RFTN2: variants seen among roughly 807,000 people sequenced by gnomAD.
RFTN2 encodes the protein raftlin family member 2.
RFTN2 carries 34 observed loss-of-function variants against 52.7 expected under a neutral mutation model. The observed-to-expected ratio is 0.64, with a 90% CI of 0.49 to 0.86. RFTN2 has a LOEUF of 0.86. Ranked by LOEUF, RFTN2 falls within the 40% of genes least tolerant of loss-of-function variation. RFTN2 has a pLI of 0.00. For synonymous variants in RFTN2, 203 were observed against 217.7 expected (o/e 0.93, Z 0.59); for missense variants, 536 against 600.1 (o/e 0.89, Z 1.12).
At chr2:197,574,363 C>G (rs777903244) in intron 8 of RFTN2, among the ~76,000 whole-genome samples, 5 of 152,194 alleles carry the variant, frequency 3.3e-5, no homozygotes, top group African/African-American at 4.8e-5. Flanking sequence ...GATTGCCCCA[C>G]TTGATTTTGG....
rs1167406410 is a variant in RFTN2, at chr2:197,569,007, T to A, written c.*3001A>T. 6.6e-6 allele frequency: 1 copy of A among 152,248 alleles called. No individual in the cohort carries two copies. The highest frequency in any genetic ancestry group is 1.5e-5 in the Non-Finnish European group (1 of 68,046). 9.4% of individuals were successfully genotyped at this position (152,248 alleles called of 1,614,324 possible). A position where few individuals can be genotyped will look rare whatever the true frequency, so the allele number is the denominator to read the frequency against. On this transcript the variant is annotated 3_prime_UTR_variant, in exon 9 of 9. Coordinates refer to ENST00000295049, the MANE Select transcript of RFTN2 (RefSeq NM_144629.3). The stretch of plus-strand genomic sequence containing the variant: ...AGAATCTCTCAAAGAGGGTGACCTT[T>A]CCTTTTCTCTTTTACTGAAATGAAT...
intron 7 of RFTN2, among the ~76,000 whole-genome samples, chr2:197,609,374 T>C (rs952623889): frequency 6.6e-6 from 1 of 152,266 alleles, no homozygotes; most frequent in African/African-American, 2.4e-5. Flanking sequence ...TGCATTTCTA[T>C]AATGACCAGT....
chr2:197,650,050 T>C (rs2088803656), intron 1 of RFTN2, among the ~76,000 whole-genome samples: 1 of 152,038 alleles, frequency 6.6e-6, no homozygotes, highest in Non-Finnish European at 1.5e-5. Flanking sequence ...CACTTACTAA[T>C]AGCTAAAATG....
At chr2:197,579,986 C>T (rs2087478622) in intron 8 of RFTN2, among the ~76,000 whole-genome samples, 1 of 152,102 alleles carries the variant, frequency 6.6e-6, no homozygotes, top group South Asian at 2.1e-4. Context: ...GCTCCTTTTT[C>T]TTTATCCGAC....
chr2:197,658,514 T>G (rs1449533033), intron 1 of RFTN2, among the ~76,000 whole-genome samples: 1 of 151,898 alleles, frequency 6.6e-6, no homozygotes, highest in African/African-American at 2.4e-5. Flanking sequence ...CTTGAACTCC[T>G]GGACTCAGGC....
rs138797874 is a variant in RFTN2 at position 197,629,675 on chromosome 2, T to TACACACAA, written c.928+1335_928+1336insTTGTGTGT. ...TATGAAGAAATATTTTTAATTTTTA[T>TACACACAA]ACACACACACACACACACACACACA... On this transcript the variant is annotated intron_variant, in intron 5 of 8. Coordinates refer to ENST00000295049, the MANE Select transcript of RFTN2 (RefSeq NM_144629.3). Among the ~76,000 whole-genome samples, 64 of 146,606 alleles carry TACACACAA rather than the reference T, an allele frequency of 4.4e-4. 2 individuals carry two copies. In the South Asian group the frequency reaches 1.0e-2, roughly 23 times the overall value.
chr2:197,604,805 G>A (rs569468013), intron 7 of RFTN2, among the ~76,000 whole-genome samples: 9 of 152,204 alleles, frequency 5.9e-5, no homozygotes, highest in African/African-American at 9.6e-5. Flanking sequence ...CTGTTGCCCA[G>A]GCTGGAGTGC....
intron 5 of RFTN2, among the ~76,000 whole-genome samples, chr2:197,626,908 A>G (rs970094057): frequency 1.3e-5 from 2 of 152,124 alleles, no homozygotes; most frequent in African/African-American, 4.8e-5. Context: ...GTGAGCCACC[A>G]TGCCCAGCCA....
intron 2 of RFTN2, 73 bp downstream of exon 2, chr2:197,646,410 T>C: frequency 7.9e-7 from 1 of 1,263,284 alleles, no homozygotes; most frequent in Admixed American, 2.2e-5. Flanking sequence ...TGCCACTTGA[T>C]TCAAATTTTT....
In RFTN2 at chr2:197,631,224, G is replaced by C; in HGVS notation, c.719-4C>G. On this transcript the variant is annotated splice_polypyrimidine_tract_variant and splice_region_variant and intron_variant, in intron 4 of 8. Coordinates refer to ENST00000295049, the MANE Select transcript of RFTN2 (RefSeq NM_144629.3). ...GTATACAATTTGTTATCTGAGGCTA[G>C]GCATTCAGAAGGAGAAAAAAGGGGA... 1 of 1,599,568 alleles carries C rather than the reference G, an allele frequency of 6.3e-7. No homozygotes were observed. The highest frequency in any genetic ancestry group is 8.5e-7 in the Non-Finnish European group (1 of 1,173,518).
rs935026816 is a variant in RFTN2, at chr2:197,602,232, A to AT, written c.1155-6164dup. Among the ~76,000 whole-genome samples, 965 of 148,152 alleles carry AT rather than the reference A, an allele frequency of 6.5e-3. 11 individuals carry two copies. The highest frequency in any genetic ancestry group is 0.022 in the African/African-American group (911 of 40,620). On this transcript the variant is annotated intron_variant, in intron 7 of 8. Transcript: ENST00000295049. ...AGGCGTGCGCCATTATGCCTGGCTA[A>AT]TTTTTTTTTTGTGTTTTTAGTAGAG...
chr2:197,580,138 T>C lies in RFTN2; in HGVS notation c.1234-7858A>G, dbSNP rs998172732. Among the ~76,000 whole-genome samples the C allele has an allele frequency of 1.2e-4, 18 of 152,204 alleles. No homozygotes were observed. The South Asian group carries it at 2.3e-3, about 19-fold the overall frequency. Reference sequence around the variant, plus strand: ...GCAAAAAGCCATATTATTCTCAATATGCATTTTATTACCCGATCCGCTCCC... The same window carrying C: ...GCAAAAAGCCATATTATTCTCAATACGCATTTTATTACCCGATCCGCTCCC... On this transcript the variant is annotated intron_variant, in intron 8 of 8. Coordinates refer to ENST00000295049, the MANE Select transcript of RFTN2 (RefSeq NM_144629.3).
chr2:197,630,142 C>G (rs755288357), intron 5 of RFTN2, among the ~76,000 whole-genome samples: 6 of 152,098 alleles, frequency 3.9e-5, no homozygotes, highest in Non-Finnish European at 8.8e-5. Flanking sequence ...GTTAAAAGGG[C>G]CTATTGGAAC....
chr2:197,619,123 CGGGA>C (rs1344351120), intron 5 of RFTN2, among the ~76,000 whole-genome samples: 10 of 148,504 alleles, frequency 6.7e-5, no homozygotes, highest in Non-Finnish European at 1.3e-4. Context: ...CCGCCCCGTC[CGGGA>C]GGGAGGTGGG....
rs111804185 is a variant in RFTN2, at chr2:197,672,593, A to G, written c.139+2727T>C. On this transcript the variant is annotated intron_variant, in intron 1 of 8. Coordinates refer to ENST00000295049, the MANE Select transcript of RFTN2 (RefSeq NM_144629.3). ...ATCAAGTGCTTACTAACTGCCAGAT[A>G]CCTTTCCAAGTAGATCATCTTATAT... 4.3e-3 allele frequency among the ~76,000 whole-genome samples: 662 copies of G among 152,322 alleles called. 3 individuals are homozygous for G. Among genetic ancestry groups the G allele is most frequent in the Non-Finnish European group, 6.2e-3 (419 of 68,028 alleles).
At chr2:197,654,110 G>A (rs2088860178) in intron 1 of RFTN2, among the ~76,000 whole-genome samples, 2 of 152,210 alleles carry the variant, frequency 1.3e-5, no homozygotes, top group African/African-American at 2.4e-5. Flanking sequence ...AAATTAGGCT[G>A]GGCATGGTGG....
intron 1 of RFTN2, 136 bp from the exon 2 acceptor site, chr2:197,646,802 C>T: frequency 1.8e-6 from 1 of 565,788 alleles, no homozygotes. Context: ...GTAATCCCAG[C>T]ACTTTGGAAG....
intron 8 of RFTN2, among the ~76,000 whole-genome samples, chr2:197,593,021 T>C (rs2087742566): frequency 6.6e-6 from 1 of 152,178 alleles, no homozygotes; most frequent in Non-Finnish European, 1.5e-5. Context: ...GATCCTGCGG[T>C]TTCTTGTTAG....
At chr2:197,573,908 C>A (rs1403074459) in intron 8 of RFTN2, among the ~76,000 whole-genome samples, 2 of 152,216 alleles carry the variant, frequency 1.3e-5, no homozygotes, top group East Asian at 3.8e-4. Flanking sequence ...TTGTTTTGGG[C>A]CTGTGGGTAC....
Sources: allele counts gnomAD v4.1 joint callset (sites outside exome capture counted in the v4.1 genomes callset), GRCh38; gene constraint gnomAD v4.1.1; transcripts MANE v1.5; gene names NCBI Gene and HGNC (gene_info 2026-07-23, HGNC 2026-07-21).